The following TSHZ2 variants were observed in gnomAD, a reference collection of about 807,000 sequenced individuals.
TSHZ2 encodes teashirt zinc finger homeobox 2.
Under a neutral mutation model 74.4 loss-of-function variants are expected in TSHZ2, and 21 were observed. The observed-to-expected ratio is 0.28, with a 90% CI of 0.20 to 0.41. The LOEUF (loss-of-function observed/expected upper bound fraction) is 0.41, where lower values mean the gene tolerates loss of function less well. Ranked by LOEUF, TSHZ2 falls within the 10% of genes least tolerant of loss-of-function variation. The probability of loss-of-function intolerance (pLI) is 1.00; values close to 1 mark genes in which losing one functional copy is unlikely to be tolerated. For missense variants in TSHZ2, 1,244 were observed against 1,293.5 expected, an observed-to-expected ratio of 0.96 and a Z score of 0.59; for synonymous variants, 540 against 515.3, an observed-to-expected ratio of 1.05 and a Z score of -0.65.
At chr20:53,005,041 G>T (rs1200085144) in intron 1 of TSHZ2, among the ~76,000 whole-genome samples, 2 of 152,130 alleles carry the variant, frequency 1.3e-5, no homozygotes. Flanking sequence ...AGCCGGGCCT[G>T]GTGGCTCACA....
At chr20:53,413,110 C>A (rs568655947) in intron 2 of TSHZ2, among the ~76,000 whole-genome samples, 2 of 152,242 alleles carry the variant, frequency 1.3e-5, no homozygotes, top group South Asian at 4.2e-4. Flanking sequence ...GCTGATCATG[C>A]ACGATGTCAT....
rs372448498 is a variant in TSHZ2 at position 53,038,343 on chromosome 20, A to C, written c.40+65010A>C. Among the ~76,000 whole-genome samples the C allele has an allele frequency of 9.7e-4, 148 of 152,032 alleles. 1 individual carries two copies. The South Asian group carries it at 0.027, about 28-fold the overall frequency. On this transcript the variant is annotated intron_variant, in intron 1 of 2. Coordinates refer to ENST00000371497, the MANE Select transcript of TSHZ2 (RefSeq NM_173485.6). ...TGGGTTTGAGAAGCAGAAGCTTACTATCCCAGCTAACTTGGGCCTTACAGG... is the reference window on the plus strand; with the variant it reads ...TGGGTTTGAGAAGCAGAAGCTTACTCTCCCAGCTAACTTGGGCCTTACAGG...
intron 1 of TSHZ2, among the ~76,000 whole-genome samples, chr20:53,128,369 T>G (rs1987005697): frequency 6.6e-6 from 1 of 152,206 alleles, no homozygotes; most frequent in African/African-American, 2.4e-5. Context: ...TTTTATTGTT[T>G]GTTTGTTTTC....
At chr20:53,055,298 G>T (rs1984603702) in intron 1 of TSHZ2, among the ~76,000 whole-genome samples, 1 of 152,116 alleles carries the variant, frequency 6.6e-6, no homozygotes, top group African/African-American at 2.4e-5. Context: ...CTCAAGCTTA[G>T]CTCTTGATTA....
intron 1 of TSHZ2, among the ~76,000 whole-genome samples, chr20:53,150,614 G>GAAAAT (rs556314975): frequency 3.1e-4 from 45 of 147,122 alleles, no homozygotes; most frequent in Middle Eastern, 3.4e-3. Flanking sequence ...TCAACTACAG[G>GAAAAT]AAAATAAAAT....
chr20:53,389,921 A>G, intron 2 of TSHZ2, among the ~76,000 whole-genome samples: 1 of 152,234 alleles, frequency 6.6e-6, no homozygotes, highest in East Asian at 1.9e-4. Context: ...CGTCTAGACC[A>G]TGGCCACTTA....
chr20:53,206,933 C>T (rs1989183680), intron 1 of TSHZ2, among the ~76,000 whole-genome samples: 1 of 152,168 alleles, frequency 6.6e-6, no homozygotes, highest in Non-Finnish European at 1.5e-5. Context: ...TTTATCTGTG[C>T]TTGTTTGTGG....
intron 1 of TSHZ2, among the ~76,000 whole-genome samples, chr20:53,206,873 G>A (rs1423016615): frequency 6.6e-6 from 1 of 152,156 alleles, no homozygotes; most frequent in Non-Finnish European, 1.5e-5. Context: ...TTCAAGTCTT[G>A]CTAATTTGAA....
intron 2 of TSHZ2, among the ~76,000 whole-genome samples, chr20:53,278,956 C>G (rs1313328936): frequency 6.6e-6 from 1 of 152,148 alleles, no homozygotes; most frequent in Non-Finnish European, 1.5e-5. Context: ...GAAGCCTTAC[C>G]AACAACATAA....
chr20:53,180,231 G>T (rs1293387), intron 1 of TSHZ2, among the ~76,000 whole-genome samples: 79,402 of 152,034 alleles, frequency 0.52, 22,362 homozygotes, highest in African/African-American at 0.74. Flanking sequence ...GATAAGCACA[G>T]CAGCAGAAAG....
At chr20:53,257,135 C>A (rs941770786) in intron 2 of TSHZ2, among the ~76,000 whole-genome samples, 2 of 152,242 alleles carry the variant, frequency 1.3e-5, no homozygotes, top group South Asian at 4.1e-4. Context: ...GTAATTGCCA[C>A]CTTCCACCTC....
intron 1 of TSHZ2, among the ~76,000 whole-genome samples, chr20:53,110,750 AAAAT>A (rs1986511212): frequency 6.6e-6 from 1 of 152,104 alleles, no homozygotes; most frequent in Non-Finnish European, 1.5e-5. Flanking sequence ...AAAATAAAAT[AAAAT>A]AAAGCAGATG....
In TSHZ2 at chr20:53,361,049, T is replaced by C. The variant is rs532931536; in HGVS notation, c.*8+104478T>C. On this transcript the variant is annotated intron_variant, in intron 2 of 2. Coordinates refer to ENST00000371497, the MANE Select transcript of TSHZ2 (RefSeq NM_173485.6). ...CACGTGCTGAATTCTCCACATTGGC[T>C]CTGTACCCGCTGCCCGCCCAGCCCC... Among the ~76,000 whole-genome samples the C allele has an allele frequency of 9.0e-4, 137 of 152,282 alleles. 1 individual carries two copies. Among genetic ancestry groups the C allele is most frequent in the African/African-American group, 3.2e-3 (135 of 41,556 alleles).
Position 53,212,002 on chromosome 20 carries a change from C to A in TSHZ2, c.41-41497C>A, listed in dbSNP as rs533768761. On this transcript the variant is annotated intron_variant, in intron 1 of 2. Transcript: ENST00000371497. ...ACTGCTGATGGCCACCCTGTCCTTA[C>A]CTGCGTTACCCAGCCCACTTAAGTT... Among the ~76,000 whole-genome samples the A allele has an allele frequency of 2.6e-5, 4 of 152,262 alleles. No individual in the cohort carries two copies. In the South Asian group the frequency reaches 6.2e-4, roughly 24 times the overall value.
At chr20:53,171,011 C>T (rs1219537650) in intron 1 of TSHZ2, among the ~76,000 whole-genome samples, 1 of 151,774 alleles carries the variant, frequency 6.6e-6, no homozygotes, top group Non-Finnish European at 1.5e-5. Flanking sequence ...TACAGTCTGT[C>T]CAGCTAATAG....
rs1555819290 is a variant in TSHZ2 at position 53,050,103 on chromosome 20, G to GTGTATATATATATATATA, written c.40+76771_40+76772insGTATATATATATATATAT. 1.4e-4 allele frequency among the ~76,000 whole-genome samples: 16 copies of GTGTATATATATATATATA among 116,054 alleles called. 1 individual carries two copies. The highest frequency in any genetic ancestry group is 4.3e-4 in the Admixed American group (5 of 11,610). The allele number at this position is 116,054 out of a possible 152,430, so 76.1% of individuals were successfully genotyped here. ...CTCAAAAAAAAAAATGTATATGTGT[G>GTGTATATATATATATATA]TATATATATATATATATATATACAC... On this transcript the variant is annotated intron_variant, in intron 1 of 2. Transcript: ENST00000371497.
Position 53,341,108 on chromosome 20 carries a change from C to T in TSHZ2, c.*8+84537C>T, listed in dbSNP as rs117802238. ...CCCCCTTCTATGCCAGCATAGAGGA[C>T]AGTCCCTGGCACATAGTAGATGCTC... On this transcript the variant is annotated intron_variant, in intron 2 of 2. Transcript: ENST00000371497. Among the ~76,000 whole-genome samples, 20 of 152,316 alleles carry T rather than the reference C, an allele frequency of 1.3e-4. No homozygotes were observed. The East Asian group carries it at 3.9e-3, about 29-fold the overall frequency.
intron 1 of TSHZ2, among the ~76,000 whole-genome samples, chr20:53,200,607 C>T (rs928890042): frequency 2.6e-5 from 4 of 152,158 alleles, no homozygotes; most frequent in Admixed American, 6.5e-5. Context: ...TGTAAGACTT[C>T]TTACAGTCCT....
At chr20:53,147,109 T>C (rs1987559692) in intron 1 of TSHZ2, among the ~76,000 whole-genome samples, 2 of 151,300 alleles carry the variant, frequency 1.3e-5, no homozygotes, top group South Asian at 2.1e-4. Flanking sequence ...TACATGCTTT[T>C]TGTTTTTTAT....
Sources: allele counts gnomAD v4.1 joint callset (sites outside exome capture counted in the v4.1 genomes callset), GRCh38; gene constraint gnomAD v4.1.1; transcripts MANE v1.5; gene names NCBI Gene and HGNC (gene_info 2026-07-23, HGNC 2026-07-21).